The following RGS12 variants were observed in gnomAD, a reference collection of about 807,000 sequenced individuals.
The protein encoded by RGS12 is regulator of G-protein signaling 12.
In RGS12, 66 loss-of-function variants were observed where a neutral mutation model predicts 120.1. That is an observed-to-expected ratio of 0.55 (90% confidence interval 0.45 to 0.67). The LOEUF (loss-of-function observed/expected upper bound fraction) is 0.67, where lower values mean the gene tolerates loss of function less well. Among genes scored for constraint, RGS12 ranks in the 30% least tolerant of loss-of-function variants. RGS12 has a pLI of 0.00. For missense variants in RGS12, 1,859 were observed against 1,957.7 expected (o/e 0.95, Z 0.95); for synonymous variants, 827 against 804.7 (o/e 1.03, Z -0.47).
intron 4 of RGS12, among the ~76,000 whole-genome samples, chr4:3,401,631 C>A (rs943419918): frequency 6.6e-6 from 1 of 152,188 alleles, no homozygotes; most frequent in African/African-American, 2.4e-5. Flanking sequence ...GAGGAAGGAG[C>A]GGAGCTCTGA....
At chr4:3,437,232 C>T (rs1472622948) in intron 17 of RGS12, among the ~76,000 whole-genome samples, 1 of 152,084 alleles carries the variant, frequency 6.6e-6, no homozygotes, top group African/African-American at 2.4e-5. Context: ...GGCTGTGGCC[C>T]CCTCCTTGTG....
intron 3 of RGS12, among the ~76,000 whole-genome samples, chr4:3,354,229 T>G (rs1714654452): frequency 6.6e-6 from 1 of 152,206 alleles, no homozygotes. Flanking sequence ...GGAAGCCTGG[T>G]GGAGCTGAGA....
At chr4:3,323,208 C>T (rs549288072) in intron 2 of RGS12, among the ~76,000 whole-genome samples, 91 of 152,320 alleles carry the variant, frequency 6.0e-4, no homozygotes, top group African/African-American at 1.8e-3. Context: ...GGAGGGGTGC[C>T]GTGGCGCCTC....
At chr4:3,309,072 G>A (rs1724141935) in intron 1 of RGS12, among the ~76,000 whole-genome samples, 1 of 126,116 alleles carries the variant, frequency 7.9e-6, no homozygotes, top group African/African-American at 3.1e-5. Context: ...GAGAGGAGCT[G>A]GGACTCGGGA....
chr4:3,383,171 G>T (rs1163304921), intron 3 of RGS12, among the ~76,000 whole-genome samples: 1 of 152,124 alleles, frequency 6.6e-6, no homozygotes, highest in Admixed American at 6.5e-5. Context: ...AGGTTGAGGG[G>T]ACAACCGTGC....
In RGS12 at chr4:3,428,083, T is replaced by A; in HGVS notation, c.3332-7T>A. On this transcript the variant is annotated splice_polypyrimidine_tract_variant and splice_region_variant and intron_variant, in intron 14 of 17. Coordinates refer to ENST00000336727, the MANE Select transcript of RGS12 (RefSeq NM_001394154.1). ...TCCCTGAAGTCATAAAGCTTTCTTA[T>A]GTTTAGCATCCGCAGATAAACAGAA... 1 of 1,612,892 alleles carries A rather than the reference T, an allele frequency of 6.2e-7. No homozygotes were observed.
At chr4:3,364,118 G>A (rs966769718) in intron 3 of RGS12, among the ~76,000 whole-genome samples, 6 of 152,230 alleles carry the variant, frequency 3.9e-5, no homozygotes, top group Admixed American at 1.3e-4. Flanking sequence ...AGGAAAATAA[G>A]CAGGATTTAT....
chr4:3,316,944 C>T lies in RGS12; in HGVS notation c.774C>T (p.Cys258=), dbSNP rs751682176. The change falls in exon 2 of 18, where the codon TGC becomes TGT. Residue 258 remains cysteine (C), a synonymous_variant. Transcript: ENST00000336727. The part of the protein sequence containing the change: ...ESDSLQAIRG[C]MRRLRAEQKI... ...ACAGCTTGCAAGCCATCCGCGGCTGCATGCGGCGCCTGCGGGCAGAGCAGA... is the reference window on the plus strand; with the variant it reads ...ACAGCTTGCAAGCCATCCGCGGCTGTATGCGGCGCCTGCGGGCAGAGCAGA... The T allele has an allele frequency of 2.5e-6, 4 of 1,613,850 alleles. No individual in the cohort carries two copies. Among genetic ancestry groups the T allele is most frequent in the Non-Finnish European group, 2.5e-6 (3 of 1,180,060 alleles).
At chr4:3,364,844 G>A (rs1397588844) in intron 3 of RGS12, among the ~76,000 whole-genome samples, 1 of 152,084 alleles carries the variant, frequency 6.6e-6, no homozygotes, top group African/African-American at 2.4e-5. Flanking sequence ...CGCTGCCTGG[G>A]AGAGCCAGGG....
intron 3 of RGS12, among the ~76,000 whole-genome samples, chr4:3,363,866 G>A (rs888181549): frequency 2.0e-5 from 3 of 152,106 alleles, no homozygotes; most frequent in Non-Finnish European, 4.4e-5. Flanking sequence ...TGGCCTGGAG[G>A]GCTGGGAGGT....
chr4:3,434,885 G>A (rs1433726590), intron 17 of RGS12, among the ~76,000 whole-genome samples: 6 of 152,228 alleles, frequency 3.9e-5, no homozygotes, highest in Admixed American at 3.9e-4. Context: ...CTGGGGGCTG[G>A]AGGCCAGTGG....
At chr4:3,288,899 TC>T (rs1216609342), upstream of RGS12, among the ~76,000 whole-genome samples, 1 of 151,678 alleles carries the variant, frequency 6.6e-6, no homozygotes, top group African/African-American at 2.4e-5. This position sits in a 1 kb window ranked among gnomAD's most constrained non-coding sequence, Gnocchi z 5.2. Context: ...TGAGCCGCCA[TC>T]CCCCCACCCC....
At chr4:3,411,630 C>T (rs1052683247) in intron 4 of RGS12, among the ~76,000 whole-genome samples, 2 of 152,238 alleles carry the variant, frequency 1.3e-5, no homozygotes, top group African/African-American at 4.8e-5. Context: ...CCTCACTTCC[C>T]TGGTGACAGG....
intron 17 of RGS12, among the ~76,000 whole-genome samples, chr4:3,435,323 C>G (rs1001605790): frequency 6.6e-6 from 1 of 152,114 alleles, no homozygotes; most frequent in East Asian, 1.9e-4. Flanking sequence ...CCACCTGGCT[C>G]CTGCTCTGTC....
chr4:3,382,511 G>A (rs1718367124), intron 3 of RGS12, among the ~76,000 whole-genome samples: 1 of 152,196 alleles, frequency 6.6e-6, no homozygotes, highest in Non-Finnish European at 1.5e-5. Flanking sequence ...CAACATCATG[G>A]GATCCACTGA....
In RGS12 at chr4:3,303,867, C is replaced by T. The variant is rs73792400; in HGVS notation, c.-102+10768C>T. Among the ~76,000 whole-genome samples the T allele has an allele frequency of 4.7e-3, 718 of 152,314 alleles. 7 individuals are homozygous for T. Among genetic ancestry groups the T allele is most frequent in the African/African-American group, 0.017 (687 of 41,576 alleles). On this transcript the variant is annotated intron_variant, in intron 1 of 17. Transcript: ENST00000336727. ...CCTTTTTCTCAAGTGTTCAAAGAAA[C>T]GAAGCATTCTGAAAGTTGCCAGTCT...
chr4:3,355,709 T>C (rs971754365), intron 3 of RGS12, among the ~76,000 whole-genome samples: 3 of 139,542 alleles, frequency 2.1e-5, no homozygotes, highest in Admixed American at 1.4e-4. Context: ...GTGGGAGGAT[T>C]GCCTGAGCCT....
chr4:3,353,508 C>G (rs188682386), intron 3 of RGS12, among the ~76,000 whole-genome samples: 1 of 152,172 alleles, frequency 6.6e-6, no homozygotes, highest in Admixed American at 6.5e-5. Context: ...GGGACTACCA[C>G]TTTCACCTTT....
At chr4:3,334,988 T>C (rs1712283921) in intron 2 of RGS12, among the ~76,000 whole-genome samples, 1 of 152,220 alleles carries the variant, frequency 6.6e-6, no homozygotes, top group African/African-American at 2.4e-5. Context: ...TCAAGCCTGG[T>C]TGGTTTATTT....
Sources: allele counts gnomAD v4.1 joint callset (sites outside exome capture counted in the v4.1 genomes callset), GRCh38; gene constraint gnomAD v4.1.1; non-coding constraint Gnocchi (gnomAD v3.1); transcripts MANE v1.5; gene names NCBI Gene and HGNC (gene_info 2026-07-23, HGNC 2026-07-21).